Variants in CCDC85C observed in about 807,000 individuals in gnomAD.
CCDC85C encodes the protein coiled-coil domain containing 85C.
Under a neutral mutation model 38.3 loss-of-function variants are expected in CCDC85C, and 18 were observed. That is an observed-to-expected ratio of 0.47 (90% CI 0.33 to 0.70). CCDC85C has a LOEUF of 0.70. Among genes scored for constraint, CCDC85C ranks in the 30% least tolerant of loss-of-function variants. The pLI is 0.03. For synonymous variants in CCDC85C, 264 were observed against 293.8 expected (o/e 0.90, Z 1.04); for missense variants, 566 against 621.2 (o/e 0.91, Z 0.94).
intron 1 of CCDC85C, among the ~76,000 whole-genome samples, chr14:99,542,928 G>C (rs749987157): frequency 6.6e-6 from 1 of 152,174 alleles, no homozygotes; most frequent in Non-Finnish European, 1.5e-5. Context: ...GCCTGGGGAC[G>C]GCCCCATCTT....
chr14:99,534,190 T>A (rs1897547442), intron 2 of CCDC85C, among the ~76,000 whole-genome samples: 1 of 151,836 alleles, frequency 6.6e-6, no homozygotes. Flanking sequence ...ACCCTGTCTC[T>A]ACTAAAAATA....
chr14:99,561,123 G>GA (rs1041962106), intron 1 of CCDC85C, among the ~76,000 whole-genome samples: 2 of 152,010 alleles, frequency 1.3e-5, no homozygotes, highest in African/African-American at 4.8e-5. Flanking sequence ...CTACGTGCAT[G>GA]GGGGGGTGCC....
chr14:99,517,235 A>G (rs1345159803), intron 3 of CCDC85C, 52 bp from the exon 4 acceptor site: 7 of 1,386,550 alleles, frequency 5.0e-6, no homozygotes, highest in Non-Finnish European at 6.9e-6. Flanking sequence ...TCCCACAGGA[A>G]TGACCGGTGG....
rs1463330894 is a variant in CCDC85C, at chr14:99,511,610, A to G, written c.*3636T>C. ...GAGGCCCTCCTTCCAGACCCTGGGG[A>G]CGCGGGAGAGGCCTGGCTGCAGCTC... On this transcript the variant is annotated 3_prime_UTR_variant, in exon 6 of 6. Coordinates refer to ENST00000380243, the MANE Select transcript of CCDC85C (RefSeq NM_001144995.2). The G allele has an allele frequency of 6.6e-6, 1 of 152,388 alleles. No individual in the cohort carries two copies. The highest frequency in any genetic ancestry group is 1.5e-5 in the Non-Finnish European group (1 of 68,042). 9.4% of individuals were successfully genotyped at this position (152,388 alleles called of 1,614,324 possible). A position where few individuals can be genotyped will look rare whatever the true frequency, so the allele number is the denominator to read the frequency against.
chr14:99,523,321 C>G (rs1041957058), intron 2 of CCDC85C, among the ~76,000 whole-genome samples: 34 of 152,338 alleles, frequency 2.2e-4, no homozygotes, highest in African/African-American at 7.9e-4. Context: ...TGCTTGCCTC[C>G]CTCAAAAGCT....
In CCDC85C at chr14:99,520,945, G is replaced by A. The variant is rs1302523759; in HGVS notation, c.975+1188C>T. Reference sequence around the variant, plus strand: ...CATTTTATCCGCACTCTCAGGCCTTGAGGCTCGGCCCATGCCTGAGGTGTG... The same window carrying A: ...CATTTTATCCGCACTCTCAGGCCTTAAGGCTCGGCCCATGCCTGAGGTGTG... On this transcript the variant is annotated intron_variant, in intron 3 of 5. Transcript: ENST00000380243. This position sits in a 1 kb window ranked among gnomAD's most constrained non-coding sequence, Gnocchi z 4.1. 6.6e-6 allele frequency among the ~76,000 whole-genome samples: 1 copy of A among 152,264 alleles called. No homozygotes were observed. Among genetic ancestry groups the A allele is most frequent in the Non-Finnish European group, 1.5e-5 (1 of 68,050 alleles).
intron 1 of CCDC85C, among the ~76,000 whole-genome samples, chr14:99,564,358 G>T (rs1185212124): frequency 2.0e-5 from 3 of 152,194 alleles, no homozygotes; most frequent in Non-Finnish European, 4.4e-5. Flanking sequence ...GCCAGCAGCA[G>T]CAGGGCCCAG....
Position 99,510,066 on chromosome 14 carries a change from C to T in CCDC85C, c.*5180G>A. On this transcript the variant is annotated 3_prime_UTR_variant, in exon 6 of 6. Coordinates refer to ENST00000380243, the MANE Select transcript of CCDC85C (RefSeq NM_001144995.2). ...GGAGGCGGGCAGCTGCTCCCTGCTCCTCTGTAAAGATGGCCCTGAAGGGCC... is the reference window on the plus strand; with the variant it reads ...GGAGGCGGGCAGCTGCTCCCTGCTCTTCTGTAAAGATGGCCCTGAAGGGCC... 2 of 1,330,338 alleles carry T rather than the reference C, an allele frequency of 1.5e-6. No individual in the cohort carries two copies. The highest frequency in any genetic ancestry group is 2.0e-6 in the Non-Finnish European group (2 of 986,816). 82.4% of individuals were successfully genotyped at this position (1,330,338 alleles called of 1,614,324 possible).
intron 1 of CCDC85C, among the ~76,000 whole-genome samples, chr14:99,589,938 AC>A (rs1039458087): frequency 1.3e-5 from 2 of 152,140 alleles, no homozygotes; most frequent in African/African-American, 4.8e-5. Context: ...AGGAGGGCAG[AC>A]CCCGGGGATG....
intron 1 of CCDC85C, among the ~76,000 whole-genome samples, chr14:99,590,333 G>A (rs1362341452): frequency 2.0e-5 from 3 of 152,206 alleles, no homozygotes; most frequent in African/African-American, 7.2e-5. Context: ...CCTGTCAGCA[G>A]GAGGAATGTG....
At chr14:99,586,401 C>G (rs189874704) in intron 1 of CCDC85C, among the ~76,000 whole-genome samples, 131 of 152,334 alleles carry the variant, frequency 8.6e-4, no homozygotes, top group Non-Finnish European at 1.0e-3. Context: ...GGAAAAGGTC[C>G]AGGGTGCTGA....
chr14:99,510,784 G>C lies in CCDC85C; in HGVS notation c.*4462C>G. Reference sequence around the variant, plus strand: ...GGGCGGGCAGCCTGGATGAGATAACGTGAGCCTTTTTTCCCTCTTTGTTTT... The same window carrying C: ...GGGCGGGCAGCCTGGATGAGATAACCTGAGCCTTTTTTCCCTCTTTGTTTT... On this transcript the variant is annotated 3_prime_UTR_variant, in exon 6 of 6. Coordinates refer to ENST00000380243, the MANE Select transcript of CCDC85C (RefSeq NM_001144995.2). 8 of 1,431,976 alleles carry C rather than the reference G, an allele frequency of 5.6e-6. No individual in the cohort carries two copies. Among genetic ancestry groups the C allele is most frequent in the Non-Finnish European group, 6.4e-6 (7 of 1,093,620 alleles). The allele number at this position is 1,431,976 out of a possible 1,614,324, so 88.7% of individuals were successfully genotyped here. A position where few individuals can be genotyped will look rare whatever the true frequency, so the allele number is the denominator to read the frequency against.
At chr14:99,529,883 G>A (rs915594134) in intron 2 of CCDC85C, among the ~76,000 whole-genome samples, 1 of 152,148 alleles carries the variant, frequency 6.6e-6, no homozygotes, top group Non-Finnish European at 1.5e-5. Flanking sequence ...CACCCTTACC[G>A]CCAACCGCCC....
At chr14:99,552,478 T>G (rs1897929750) in intron 1 of CCDC85C, among the ~76,000 whole-genome samples, 1 of 151,798 alleles carries the variant, frequency 6.6e-6, no homozygotes, top group Non-Finnish European at 1.5e-5. Flanking sequence ...TGGGCAGGAG[T>G]GTCTCTGCCC....
chr14:99,511,323 CTTTT>C lies in CCDC85C; in HGVS notation c.*3919_*3922del, dbSNP rs200466804. The C allele has an allele frequency of 2.1e-5, 3 of 145,916 alleles. No individual in the cohort carries two copies. Among genetic ancestry groups the C allele is most frequent in the Non-Finnish European group, 4.5e-5 (3 of 66,002 alleles). 9.0% of individuals were successfully genotyped at this position (145,916 alleles called of 1,614,324 possible). A position where few individuals can be genotyped will look rare whatever the true frequency, so the allele number is the denominator to read the frequency against. On this transcript the variant is annotated 3_prime_UTR_variant, in exon 6 of 6. Coordinates refer to ENST00000380243, the MANE Select transcript of CCDC85C (RefSeq NM_001144995.2). ...TTGAAGGGGTTGCCTCATTGGATGGCTTTTTTTTTTTCCTCCAGGGAGAAGGGGA... is the reference window on the plus strand; with the variant it reads ...TTGAAGGGGTTGCCTCATTGGATGGCTTTTTTTCCTCCAGGGAGAAGGGGA...
rs549504710 is a variant in CCDC85C at position 99,544,510 on chromosome 14, G to C, written c.794-8422C>G. On this transcript the variant is annotated intron_variant, in intron 1 of 5. Transcript: ENST00000380243. This position sits in a 1 kb window ranked among gnomAD's most constrained non-coding sequence, Gnocchi z 5.3. ...GAAGGGTGTGTGTGTGTGTGTGTGT[G>C]TGTGTGTCTGTGTGTCTGTGTGTTC... 1.6e-4 allele frequency among the ~76,000 whole-genome samples: 25 copies of C among 152,174 alleles called. No homozygotes were observed. The highest frequency in any genetic ancestry group is 2.1e-4 in the Non-Finnish European group (14 of 68,010).
chr14:99,594,817 G>A (rs1368457185), intron 1 of CCDC85C, among the ~76,000 whole-genome samples: 5 of 152,176 alleles, frequency 3.3e-5, no homozygotes, highest in African/African-American at 4.8e-5. Context: ...TGTCTGGATC[G>A]TCCAATCCAC....
intron 1 of CCDC85C, among the ~76,000 whole-genome samples, chr14:99,551,397 G>A (rs1436389808): frequency 6.6e-6 from 1 of 152,132 alleles, no homozygotes; most frequent in African/African-American, 2.4e-5. Flanking sequence ...GAATGCGTGA[G>A]CAAGTGAGTA....
intron 2 of CCDC85C, among the ~76,000 whole-genome samples, chr14:99,523,178 G>A (rs922931967): frequency 1.3e-5 from 2 of 152,156 alleles, no homozygotes; most frequent in African/African-American, 2.4e-5. Flanking sequence ...CAAACTGCAG[G>A]GGCAGGGGAG....
Sources: gnomAD v4.1 joint callset for allele counts (sites outside exome capture counted in the v4.1 genomes callset) on GRCh38, gnomAD v4.1.1 for gene constraint, Gnocchi (gnomAD v3.1) non-coding constraint, MANE v1.5 for transcripts, NCBI Gene and HGNC (gene_info 2026-07-23, HGNC 2026-07-21) for gene names.